CAD: variants seen among roughly 807,000 people sequenced by gnomAD.
CAD encodes the protein multifunctional protein CAD.
A neutral mutation model predicts 237.2 loss-of-function variants in CAD; 81 were observed. That is an observed-to-expected ratio of 0.34 (90% CI 0.29 to 0.41). The LOEUF is 0.41. Among genes scored for constraint, CAD ranks in the 10% least tolerant of loss-of-function variants. CAD has a pLI of 1.00. For missense variants in CAD, 2,181 were observed against 2,951.7 expected (o/e 0.74, Z 6.05); for synonymous variants, 1,196 against 1,162.8 (o/e 1.03, Z -0.58).
Position 27,223,016 on chromosome 2 carries a change from G to C in CAD, c.788G>C (p.Gly263Ala). 1 of 1,614,184 alleles carries C rather than the reference G, an allele frequency of 6.2e-7. No homozygotes were observed. The highest frequency in any genetic ancestry group is 1.1e-5 in the South Asian group (1 of 91,086). ...LGHQLLALAI[G>A]AKTYKMRYGN... ...CACCAGCTATTGGCCTTAGCCATTG[G>C]GGCCAAGACTTACAAGATGAGGTGG... The change falls in exon 6 of 44, where the codon GGG becomes GCG. Residue 263 changes from glycine to alanine, a missense_variant. Around this residue, in one of 12 missense-constraint regions of CAD, gnomAD observed 314 missense variants for 339.4 expected, o/e 0.93. Coordinates refer to ENST00000264705, the MANE Select transcript of CAD (RefSeq NM_004341.5).
chr2:27,239,583 C>G lies in CAD; in HGVS notation c.5394+112C>G. The stretch of plus-strand genomic sequence containing the variant: ...CCACTATGTGCACCACTGCCCTGGA[C>G]CAGGGGTTGGGGGCACAGCTCCCCC... On this transcript the variant is annotated intron_variant, in intron 33 of 43. Transcript: ENST00000264705. The surrounding 1 kb of genome is among the most constrained non-coding windows in gnomAD (Gnocchi z 4.0). 1 of 1,517,244 alleles carries G rather than the reference C, an allele frequency of 6.6e-7. No individual in the cohort carries two copies. The allele number at this position is 1,517,244 out of a possible 1,614,324, so 94.0% of individuals were successfully genotyped here. A position where few individuals can be genotyped will look rare whatever the true frequency, so the allele number is the denominator to read the frequency against.
Position 27,241,062 on chromosome 2 carries a change from G to A in CAD, c.5643G>A (p.Leu1881=), listed in dbSNP as rs998353257. The change falls in exon 37 of 44, where the codon CTG becomes CTA. Residue 1881 remains leucine (L), a synonymous_variant. Coordinates refer to ENST00000264705, the MANE Select transcript of CAD (RefSeq NM_004341.5). The surrounding 1 kb of genome is among the most constrained non-coding windows in gnomAD (Gnocchi z 4.6). ...CTGCCCCATCCCTCACTGCAGAGCTGATGGGAACCCCTGATGGCACCTGCT... is the reference window on the plus strand; with the variant it reads ...CTGCCCCATCCCTCACTGCAGAGCTAATGGGAACCCCTGATGGCACCTGCT... ...KSSRKVAEPE[L]MGTPDGTCYP... 6.2e-7 allele frequency: 1 copy of A among 1,610,902 alleles called. No homozygotes were observed. The highest frequency in any genetic ancestry group is 8.5e-7 in the Non-Finnish European group (1 of 1,178,416).
rs1009927596 is a variant in CAD at position 27,241,697 on chromosome 2, A to G, written c.5884-214A>G. On this transcript the variant is annotated intron_variant, in intron 38 of 43. Transcript: ENST00000264705. This position sits in a 1 kb window ranked among gnomAD's most constrained non-coding sequence, Gnocchi z 4.6. The stretch of plus-strand genomic sequence containing the variant: ...TCCTCCTTTCCCAGCTCGTTCAGAC[A>G]CTTAATGATGGGTGGTTTTCTGGAG... Among the ~76,000 whole-genome samples the G allele has an allele frequency of 6.6e-6, 1 of 152,184 alleles. No homozygotes were observed. Among genetic ancestry groups the G allele is most frequent in the East Asian group, 1.9e-4 (1 of 5,186 alleles).
At chr2:27,230,218 A>G (rs1675672388) in intron 15 of CAD, among the ~76,000 whole-genome samples, 1 of 152,182 alleles carries the variant, frequency 6.6e-6, no homozygotes, top group Non-Finnish European at 1.5e-5. Context: ...AGCGTGGGTG[A>G]TGAGAGAAAC....
Position 27,232,823 on chromosome 2 carries a change from G to T in CAD, c.2892+129G>T, listed in dbSNP as rs1675824208. On this transcript the variant is annotated intron_variant, in intron 18 of 43. Coordinates refer to ENST00000264705, the MANE Select transcript of CAD (RefSeq NM_004341.5). The surrounding 1 kb of genome is among the most constrained non-coding windows in gnomAD (Gnocchi z 4.1). ...TTGGTCATAGAGCTTTGGGGTGGGG[G>T]TCCTTTTAGGCCATCTCTCATGCCC... The T allele has an allele frequency of 8.7e-7, 1 of 1,152,646 alleles. No individual in the cohort carries two copies. Among genetic ancestry groups the T allele is most frequent in the African/African-American group, 1.5e-5 (1 of 65,746 alleles). The allele number at this position is 1,152,646 out of a possible 1,614,324, so 71.4% of individuals were successfully genotyped here.
chr2:27,239,584 C>T lies in CAD; in HGVS notation c.5394+113C>T, dbSNP rs1676197779. On this transcript the variant is annotated intron_variant, in intron 33 of 43. Coordinates refer to ENST00000264705, the MANE Select transcript of CAD (RefSeq NM_004341.5). The surrounding 1 kb of genome is among the most constrained non-coding windows in gnomAD (Gnocchi z 4.0). ...CACTATGTGCACCACTGCCCTGGAC[C>T]AGGGGTTGGGGGCACAGCTCCCCCA... is the stretch of plus-strand genomic sequence containing the variant. 1 of 1,520,160 alleles carries T rather than the reference C, an allele frequency of 6.6e-7. No homozygotes were observed. The allele number at this position is 1,520,160 out of a possible 1,614,324, so 94.2% of individuals were successfully genotyped here.
chr2:27,237,864 C>T lies in CAD; in HGVS notation c.4710C>T (p.Ser1570=), dbSNP rs61737360. 270 of 1,612,176 alleles carry T rather than the reference C, an allele frequency of 1.7e-4. 2 individuals are homozygous for T. In the African/African-American group the frequency reaches 3.1e-3, roughly 18 times the overall value. ...CCTTCTCTGAGCTGCGGCTGGACAG[C>T]GTGGTCCAGTGGATGGAGGTAGGGA... The part of the protein sequence containing the change: ...NETFSELRLD[S]VVQWMEHFET... Residue 1570 remains serine (S), a synonymous_variant, in exon 29 of 44, where the codon AGC becomes AGT. Transcript: ENST00000264705. The surrounding 1 kb of genome is among the most constrained non-coding windows in gnomAD (Gnocchi z 4.0).
chr2:27,223,975 A>G lies in CAD; in HGVS notation c.1054A>G (p.Ile352Val), dbSNP rs1418655306. The G allele has an allele frequency of 8.1e-6, 13 of 1,614,126 alleles. No homozygotes were observed. Among genetic ancestry groups the G allele is most frequent in the Non-Finnish European group, 1.0e-5 (12 of 1,179,980 alleles). Residue 352 changes from isoleucine (I) to valine (V), a missense_variant, in exon 8 of 44, where the codon ATC (isoleucine) becomes GTC (valine). By Grantham distance (29) the Ile-to-Val change is conservative. Coordinates refer to ENST00000264705, the MANE Select transcript of CAD (RefSeq NM_004341.5). ...GPSDMELLFD[I>V]FLETVKEATA... ...TTCAGATATGGAACTGCTTTTCGAT[A>G]TCTTTCTGGAAACTGTGAAAGAGGC... is the stretch of plus-strand genomic sequence containing the variant.
chr2:27,231,540 G>C lies in CAD; in HGVS notation c.2360G>C (p.Cys787Ser). Residue 787 changes from cysteine (C) to serine (S), a missense_variant, in exon 16 of 44, where the codon TGT becomes TCT. By Grantham distance (112) the Cys-to-Ser change is moderately radical. Around this residue, in one of 12 missense-constraint regions of CAD, gnomAD observed 385 missense variants for 535.1 expected, o/e 0.72. Transcript: ENST00000264705. ...GCCCTGCGCATGGTGGATGAGAACT[G>C]TGTGGGCTTTGATCACACAGTGAAA... ...QKALRMVDEN[C>S]VGFDHTVKPV... The C allele has an allele frequency of 6.2e-7, 1 of 1,613,862 alleles. No individual in the cohort carries two copies. The highest frequency in any genetic ancestry group is 8.5e-7 in the Non-Finnish European group (1 of 1,179,754).
At chr2:27,234,348 G>C in intron 22 of CAD, 122 bp downstream of exon 22, 1 of 1,169,886 alleles carries the variant, frequency 8.5e-7, no homozygotes, top group Non-Finnish European at 1.3e-6. Context: ...AAGCTGGAGG[G>C]AAAGGGCTGT....
In CAD at chr2:27,241,965, T is replaced by C. The variant is rs759999779; in HGVS notation, c.5938T>C (p.Phe1980Leu). 2 of 1,613,706 alleles carry C rather than the reference T, an allele frequency of 1.2e-6. No individual in the cohort carries two copies. The highest frequency in any genetic ancestry group is 1.7e-6 in the Non-Finnish European group (2 of 1,180,018). The change falls in exon 39 of 44, where the codon TTT becomes CTT. Residue 1980 changes from phenylalanine (F) to leucine (L), a missense_variant. Transcript: ENST00000264705. This position sits in a 1 kb window ranked among gnomAD's most constrained non-coding sequence, Gnocchi z 4.6. ...AGTGAGCACACGGACCAGCAGCTCC[T>C]TTGCAGCAGCCATGGCCCGGCTGGG... ...YEVSTRTSSS[F>L]AAAMARLGGA...
intron 2 of CAD, 63 bp downstream of exon 2, chr2:27,218,079 A>G: frequency 6.9e-7 from 1 of 1,453,304 alleles, no homozygotes; most frequent in Non-Finnish European, 9.3e-7. Context: ...ACTATTAGTG[A>G]AGTAGGAGAC....
intron 5 of CAD, 58 bp downstream of exon 5, chr2:27,222,718 C>T: frequency 6.3e-7 from 1 of 1,596,704 alleles, no homozygotes; most frequent in Non-Finnish European, 8.6e-7. Flanking sequence ...GAAGATCTAT[C>T]CCTTGGTCCA....
rs1675154586 is a variant in CAD, at chr2:27,221,339, G to T, written c.344G>T (p.Gly115Val). ...HEWLQQHGIP[G>V]LQGVDTRELT... is the part of the protein sequence containing the mutation. The stretch of plus-strand genomic sequence containing the variant: ...TGGCTGCAGCAGCATGGCATCCCTG[G>T]CTTGCAAGGTATGGTGGCAAGCAGG... The change falls in exon 3 of 44, where the codon GGC becomes GTC. Residue 115 changes from glycine (G) to valine (V), a missense_variant. Gly to Val is a moderately radical substitution (Grantham distance 109). This residue lies in a region of CAD where 314 missense variants were observed against 339.4 expected (regional missense o/e 0.93). Transcript: ENST00000264705. 1.3e-6 allele frequency: 2 copies of T among 1,572,992 alleles called. No homozygotes were observed. The highest frequency in any genetic ancestry group is 1.8e-5 in the Admixed American group (1 of 56,658).
In CAD at chr2:27,217,424, T is replaced by C. The variant is rs1057043824; in HGVS notation, c.-128T>C. 4 of 816,126 alleles carry C rather than the reference T, an allele frequency of 4.9e-6. No individual in the cohort carries two copies. Among genetic ancestry groups the C allele is most frequent in the South Asian group, 2.9e-5 (2 of 68,236 alleles). The allele number at this position is 816,126 out of a possible 1,614,324, so 50.6% of individuals were successfully genotyped here. Reference sequence around the variant, plus strand: ...AGGCTCCTACGCTGCCGCGCCCGGCTTCTCTCCAGCGCCCCGCGCCGTTAG... The same window carrying C: ...AGGCTCCTACGCTGCCGCGCCCGGCCTCTCTCCAGCGCCCCGCGCCGTTAG... On this transcript the variant is annotated 5_prime_UTR_variant, in exon 1 of 44. Transcript: ENST00000264705.
At chr2:27,231,396 G>T in intron 15 of CAD, 72 bp from the exon 16 acceptor site, 1 of 832,762 alleles carries the variant, frequency 1.2e-6, no homozygotes, top group Non-Finnish European at 2.1e-6. Flanking sequence ...TAAACCATAA[G>T]CATTATGGGC....
Position 27,241,504 on chromosome 2 carries a change from G to GTCCC in CAD, c.5883+109_5883+112dup. 2.9e-6 allele frequency: 3 copies of GTCCC among 1,019,616 alleles called. No individual in the cohort carries two copies. The highest frequency in any genetic ancestry group is 3.5e-5 in the Admixed American group (2 of 56,662). 63.2% of individuals were successfully genotyped at this position (1,019,616 alleles called of 1,614,324 possible). A position where few individuals can be genotyped will look rare whatever the true frequency, so the allele number is the denominator to read the frequency against. ...TGGGTCTTCCTCCCCCTGCCATCCC[G>GTCCC]TCCCCTTATGCTAGTCCATCCCTCT... On this transcript the variant is annotated intron_variant, in intron 38 of 43. Coordinates refer to ENST00000264705, the MANE Select transcript of CAD (RefSeq NM_004341.5). The surrounding 1 kb of genome is among the most constrained non-coding windows in gnomAD (Gnocchi z 4.6).
At position 27,242,243 on chromosome 2, in the gene CAD, G is replaced by T; in HGVS notation, c.6097-59G>T. The T allele has an allele frequency of 6.3e-7, 1 of 1,583,546 alleles. No individual in the cohort carries two copies. The highest frequency in any genetic ancestry group is 8.6e-7 in the Non-Finnish European group (1 of 1,161,442). ...TGAGTGAGGGGACCCCAGAAGAGGG[G>T]GACTGGCAGTTGGGGGGCCTCTGAG... is the stretch of plus-strand genomic sequence containing the variant. On this transcript the variant is annotated intron_variant, in intron 39 of 43. Coordinates refer to ENST00000264705, the MANE Select transcript of CAD (RefSeq NM_004341.5). The surrounding 1 kb of genome is among the most constrained non-coding windows in gnomAD (Gnocchi z 6.4).
At position 27,240,804 on chromosome 2, in the gene CAD, G is replaced by C. The variant is rs764042271; in HGVS notation, c.5594-107G>C. 3 of 1,319,812 alleles carry C rather than the reference G, an allele frequency of 2.3e-6. No homozygotes were observed. Among genetic ancestry groups the C allele is most frequent in the Non-Finnish European group, 3.2e-6 (3 of 929,442 alleles). 81.8% of individuals were successfully genotyped at this position (1,319,812 alleles called of 1,614,324 possible). ...CCCTAACCTGCTATATTACTGTGTTGTGAATTGGTTTAACATATACACTGT... is the reference window on the plus strand; with the variant it reads ...CCCTAACCTGCTATATTACTGTGTTCTGAATTGGTTTAACATATACACTGT... On this transcript the variant is annotated intron_variant, in intron 35 of 43. Transcript: ENST00000264705. The surrounding 1 kb of genome is among the most constrained non-coding windows in gnomAD (Gnocchi z 4.6).
Sources: allele counts gnomAD v4.1 joint callset (sites outside exome capture counted in the v4.1 genomes callset), GRCh38; gene constraint gnomAD v4.1.1; regional missense constraint gnomAD v4.1.1; non-coding constraint Gnocchi (gnomAD v3.1); transcripts MANE v1.5; gene names NCBI Gene and HGNC (gene_info 2026-07-23, HGNC 2026-07-21).